NEGR1: variants seen among roughly 807,000 people sequenced by gnomAD.
NEGR1 encodes the protein neuronal growth regulator 1, also known as IgLON family member 4.
In NEGR1, 10 loss-of-function variants were observed where a neutral mutation model predicts 40.9. The ratio of observed to expected loss-of-function variants is 0.24; its 90% CI spans 0.15 to 0.42. NEGR1 has a LOEUF of 0.42. Ranked by LOEUF, NEGR1 falls within the 10% of genes least tolerant of loss-of-function variation. The probability of loss-of-function intolerance (pLI) is 1.00; values close to 1 mark genes in which losing one functional copy is unlikely to be tolerated. For synonymous variants in NEGR1, 185 were observed against 166.8 expected (o/e 1.11, Z -0.84); for missense variants, 352 against 438.9 (o/e 0.80, Z 1.77).
rs915782780 is a variant in NEGR1 at position 72,178,717 on chromosome 1, G to T, written c.176+103602C>A. 5.3e-5 allele frequency among the ~76,000 whole-genome samples: 8 copies of T among 149,968 alleles called. No individual in the cohort carries two copies. The East Asian group carries it at 7.9e-4, about 15-fold the overall frequency. Reference sequence around the variant, plus strand: ...TTTTTTTGTTTGTTTGTTTTGTTTTGTTTTTTTTAATTTAATAGTAGCCTT... The same window carrying T: ...TTTTTTTGTTTGTTTGTTTTGTTTTTTTTTTTTTAATTTAATAGTAGCCTT... On this transcript the variant is annotated intron_variant, in intron 1 of 6. Transcript: ENST00000357731.
intron 4 of NEGR1, among the ~76,000 whole-genome samples, chr1:71,692,933 C>A (rs1173639242): frequency 6.6e-6 from 1 of 151,526 alleles, no homozygotes; most frequent in Non-Finnish European, 1.5e-5. Context: ...TTTCTGATAC[C>A]AAATAAAATG....
intron 1 of NEGR1, among the ~76,000 whole-genome samples, chr1:72,162,653 C>T (rs190480679): frequency 6.6e-6 from 1 of 152,142 alleles, no homozygotes; most frequent in Admixed American, 6.6e-5. Context: ...AGTAGAACAA[C>T]AAGTGATAAA....
chr1:71,912,360 A>T (rs775849684), intron 2 of NEGR1, among the ~76,000 whole-genome samples: 9 of 152,186 alleles, frequency 5.9e-5, no homozygotes, highest in Non-Finnish European at 1.2e-4. Context: ...TTCTACTTAT[A>T]ATAACCCTCG....
intron 2 of NEGR1, among the ~76,000 whole-genome samples, chr1:71,848,675 G>A (rs1659500993): frequency 6.6e-6 from 1 of 152,186 alleles, no homozygotes; most frequent in Non-Finnish European, 1.5e-5. Context: ...GGTCACCTAA[G>A]TGCTTTGATG....
In NEGR1 at chr1:71,404,227, T is replaced by C. The variant is rs552786522; in HGVS notation, c.*3219A>G. On this transcript the variant is annotated 3_prime_UTR_variant, in exon 7 of 7. Coordinates refer to ENST00000357731, the MANE Select transcript of NEGR1 (RefSeq NM_173808.3). ...AGTTCTCCAGTCTACTTTCTAGATA[T>C]AGCTTAAATGTTATGATGAAGCATT... is the stretch of plus-strand genomic sequence containing the variant. 6.6e-6 allele frequency: 1 copy of C among 152,188 alleles called. No homozygotes were observed. Among genetic ancestry groups the C allele is most frequent in the Non-Finnish European group, 1.5e-5 (1 of 67,850 alleles). 9.4% of individuals were successfully genotyped at this position (152,188 alleles called of 1,614,324 possible). A position where few individuals can be genotyped will look rare whatever the true frequency, so the allele number is the denominator to read the frequency against.
rs898381682 is a variant in NEGR1, at chr1:71,911,444, A to C, written c.409+23635T>G. Among the ~76,000 whole-genome samples, 4 of 152,176 alleles carry C rather than the reference A, an allele frequency of 2.6e-5. No individual in the cohort carries two copies. In the East Asian group the frequency reaches 7.7e-4, roughly 29 times the overall value. On this transcript the variant is annotated intron_variant, in intron 2 of 6. Coordinates refer to ENST00000357731, the MANE Select transcript of NEGR1 (RefSeq NM_173808.3). The stretch of plus-strand genomic sequence containing the variant: ...TGCATTTTAATTTTATTTTCTCTAA[A>C]ATAGGATTAATATACCTATTCTTCG...
intron 2 of NEGR1, among the ~76,000 whole-genome samples, chr1:71,847,031 ATTC>A (rs1423096064): frequency 1.3e-5 from 2 of 152,096 alleles, no homozygotes; most frequent in African/African-American, 4.8e-5. Flanking sequence ...TCCAAAATGA[ATTC>A]TTCTCTTTCT....
intron 2 of NEGR1, among the ~76,000 whole-genome samples, chr1:71,904,413 T>C (rs1325565985): frequency 6.6e-6 from 1 of 152,100 alleles, no homozygotes; most frequent in African/African-American, 2.4e-5. Context: ...TATACATCAC[T>C]ATCATTCTTA....
chr1:71,717,872 C>A (rs577926144), intron 3 of NEGR1, among the ~76,000 whole-genome samples: 3 of 152,114 alleles, frequency 2.0e-5, no homozygotes, highest in African/African-American at 7.2e-5. Context: ...AAAGACAATG[C>A]GAACACACTG....
intron 6 of NEGR1, among the ~76,000 whole-genome samples, chr1:71,545,578 A>G (rs575945359): frequency 1.3e-5 from 2 of 151,628 alleles, no homozygotes; most frequent in East Asian, 2.0e-4. Context: ...CCTTCTTGAG[A>G]CATATTCTTA....
intron 3 of NEGR1, among the ~76,000 whole-genome samples, chr1:71,749,326 A>G (rs902172708): frequency 5.9e-5 from 9 of 152,216 alleles, no homozygotes; most frequent in Admixed American, 3.9e-4. Context: ...TAGGCAAACT[A>G]TTCAACAATG....
intron 1 of NEGR1, among the ~76,000 whole-genome samples, chr1:71,968,961 G>C (rs149069169): frequency 6.6e-6 from 1 of 152,004 alleles, no homozygotes; most frequent in South Asian, 2.1e-4. Context: ...TTAAATAAGA[G>C]CTGCCATGCT....
intron 2 of NEGR1, among the ~76,000 whole-genome samples, chr1:71,854,055 T>G (rs898743590): frequency 6.6e-6 from 1 of 152,122 alleles, no homozygotes; most frequent in Non-Finnish European, 1.5e-5. Context: ...TTATTAAGCA[T>G]GTTGCATTAA....
intron 1 of NEGR1, among the ~76,000 whole-genome samples, chr1:72,100,590 C>G (rs898650357): frequency 6.6e-6 from 1 of 152,108 alleles, no homozygotes; most frequent in Non-Finnish European, 1.5e-5. Context: ...AGTAATGTGG[C>G]ATAGTTTTCA....
chr1:72,002,017 T>C (rs1042173581), intron 1 of NEGR1, among the ~76,000 whole-genome samples: 2 of 152,140 alleles, frequency 1.3e-5, no homozygotes, highest in African/African-American at 4.8e-5. Context: ...ATTTTTGCTT[T>C]TGAAATTTTG....
At chr1:71,784,759 T>C (rs1656849992) in intron 2 of NEGR1, among the ~76,000 whole-genome samples, 2 of 152,330 alleles carry the variant, frequency 1.3e-5, no homozygotes, top group South Asian at 4.1e-4. Flanking sequence ...AGATTTTCAG[T>C]AGCAAATAAA....
chr1:71,684,933 T>C (rs1366913738), intron 4 of NEGR1, among the ~76,000 whole-genome samples: 3 of 152,228 alleles, frequency 2.0e-5, no homozygotes, highest in East Asian at 3.8e-4. Context: ...TTTTCATTTA[T>C]TTTGAATTGC....
At chr1:71,996,090 A>G (rs1646502497) in intron 1 of NEGR1, among the ~76,000 whole-genome samples, 1 of 152,158 alleles carries the variant, frequency 6.6e-6, no homozygotes, top group Admixed American at 6.5e-5. Flanking sequence ...TTCCTGGAGA[A>G]AAAAGTATTT....
chr1:72,270,579 T>C (rs921437530), intron 1 of NEGR1, among the ~76,000 whole-genome samples: 25 of 151,894 alleles, frequency 1.6e-4, no homozygotes, highest in African/African-American at 6.0e-4. Flanking sequence ...TCCAATATTA[T>C]CACCAGCTGT....
Sources: gnomAD v4.1 joint callset for allele counts (sites outside exome capture counted in the v4.1 genomes callset) on GRCh38, gnomAD v4.1.1 for gene constraint, MANE v1.5 for transcripts, NCBI Gene and HGNC (gene_info 2026-07-23, HGNC 2026-07-21) for gene names.